UBR3: variants seen among roughly 807,000 people sequenced by gnomAD.
The protein encoded by UBR3 is ubiquitin protein ligase E3 component n-recognin 3, also known as E3 ubiquitin-protein ligase UBR3.
In UBR3, 85 loss-of-function variants were observed where a neutral mutation model predicts 243.2. The observed-to-expected ratio is 0.35, with a 90% CI of 0.29 to 0.42. UBR3 has a LOEUF of 0.42. Among genes scored for constraint, UBR3 ranks in the 10% least tolerant of loss-of-function variants. The probability of loss-of-function intolerance (pLI) is 1.00; values close to 1 mark genes in which losing one functional copy is unlikely to be tolerated. For missense variants in UBR3, 1,686 were observed against 2,300.8 expected (o/e 0.73, Z 5.47); for synonymous variants, 748 against 799.8 (o/e 0.94, Z 1.09).
At chr2:169,837,767 T>C (rs1229840357) in intron 1 of UBR3, among the ~76,000 whole-genome samples, 1 of 152,168 alleles carries the variant, frequency 6.6e-6, no homozygotes, top group African/African-American at 2.4e-5. Context: ...GTGTGGGGAT[T>C]ATGGGGATTA....
intron 1 of UBR3, 34 bp downstream of exon 1, chr2:169,828,086 C>T: frequency 7.4e-7 from 1 of 1,350,780 alleles, no homozygotes; most frequent in Middle Eastern, 2.0e-4. Context: ...CGAGGCGACC[C>T]TGGGCCGGGG....
At chr2:169,938,211 CCT>C (rs1353046760) in intron 19 of UBR3, among the ~76,000 whole-genome samples, 2 of 151,732 alleles carry the variant, frequency 1.3e-5, no homozygotes, top group African/African-American at 4.8e-5. Flanking sequence ...AGTTTTAAGA[CCT>C]CTTCATATAT....
At chr2:169,858,007 T>C (rs982338115) in intron 1 of UBR3, among the ~76,000 whole-genome samples, 6 of 152,226 alleles carry the variant, frequency 3.9e-5, no homozygotes, top group African/African-American at 1.4e-4. Flanking sequence ...CTCTAGTTGG[T>C]TGATAGTGTT....
intron 32 of UBR3, among the ~76,000 whole-genome samples, chr2:170,052,461 T>C (rs570438147): frequency 6.6e-6 from 1 of 152,294 alleles, no homozygotes; most frequent in East Asian, 1.9e-4. Context: ...TAAGTGTCTG[T>C]CAATGGATGA....
At chr2:169,949,298 A>G (rs1236695902) in intron 22 of UBR3, among the ~76,000 whole-genome samples, 2 of 152,066 alleles carry the variant, frequency 1.3e-5, no homozygotes, top group Non-Finnish European at 2.9e-5. Flanking sequence ...TAAAGTAATG[A>G]ATAATTTAGT....
At chr2:169,845,533 C>CTTCTTCTTCTTCT (rs2082446745) in intron 1 of UBR3, among the ~76,000 whole-genome samples, 5 of 125,002 alleles carry the variant, frequency 4.0e-5, no homozygotes, top group Non-Finnish European at 6.7e-5. Context: ...TCGTCGTCGT[C>CTTCTTCTTCTTCT]TTCTTCTTCT....
rs747405374 is a variant in UBR3, at chr2:169,912,378, C to T, written c.1780-1682C>T. 3.9e-5 allele frequency among the ~76,000 whole-genome samples: 6 copies of T among 152,190 alleles called. 1 individual carries two copies. The highest frequency in any genetic ancestry group is 3.9e-4 in the Admixed American group (6 of 15,282). ...ATACCTCCCAATTCCAACCTCCCCT[C>T]ATCTCTTGGAAACCACTAATCTTCT... On this transcript the variant is annotated intron_variant, in intron 10 of 38. Coordinates refer to ENST00000272793, the MANE Select transcript of UBR3 (RefSeq NM_172070.4).
chr2:169,895,064 G>A (rs1574144292), intron 6 of UBR3, 117 bp from the exon 7 acceptor site: 3 of 979,770 alleles, frequency 3.1e-6, no homozygotes, highest in South Asian at 4.7e-5. Flanking sequence ...TTGCATTATT[G>A]TAAGGATATT....
chr2:169,874,468 C>T (rs1304841345), intron 2 of UBR3, among the ~76,000 whole-genome samples: 1 of 151,870 alleles, frequency 6.6e-6, no homozygotes, highest in East Asian at 1.9e-4. Flanking sequence ...TGTGCCCAGC[C>T]AAAATTCTGC....
chr2:169,974,878 A>T (rs2088351899), intron 24 of UBR3, among the ~76,000 whole-genome samples: 2 of 152,232 alleles, frequency 1.3e-5, no homozygotes, highest in Non-Finnish European at 2.9e-5. Context: ...TGTTTCAAGA[A>T]ACTTTTAAAT....
chr2:169,989,554 A>G (rs2089182744), intron 25 of UBR3, among the ~76,000 whole-genome samples: 1 of 152,180 alleles, frequency 6.6e-6, no homozygotes, highest in Non-Finnish European at 1.5e-5. Flanking sequence ...AGAGATTACA[A>G]ATCTCTTTCA....
At chr2:169,867,590 C>T (rs1243938452) in intron 1 of UBR3, among the ~76,000 whole-genome samples, 1 of 152,144 alleles carries the variant, frequency 6.6e-6, no homozygotes, top group Non-Finnish European at 1.5e-5. Context: ...TAGATATGGT[C>T]AAGTGCCACC....
At chr2:169,917,769 C>T (rs2105341322) in intron 11 of UBR3, among the ~76,000 whole-genome samples, 2 of 152,222 alleles carry the variant, frequency 1.3e-5, no homozygotes, top group South Asian at 4.1e-4. Flanking sequence ...ATGACACAAT[C>T]TTGGCTCACT....
chr2:170,029,561 T>C, intron 31 of UBR3, 113 bp downstream of exon 31: 1 of 780,626 alleles, frequency 1.3e-6, no homozygotes, highest in Non-Finnish European at 1.9e-6. Flanking sequence ...ATTTTCTTTA[T>C]GAAGCACAGA....
At chr2:170,037,821 G>C (rs1453673902) in intron 31 of UBR3, among the ~76,000 whole-genome samples, 1 of 152,008 alleles carries the variant, frequency 6.6e-6, no homozygotes, top group East Asian at 1.9e-4. Context: ...TTATTCTGTT[G>C]TATGCATATT....
intron 13 of UBR3, among the ~76,000 whole-genome samples, chr2:169,924,499 A>G (rs1271794624): frequency 6.6e-6 from 1 of 152,186 alleles, no homozygotes; most frequent in East Asian, 1.9e-4. Flanking sequence ...CGCAAGGTTT[A>G]AGGTAATTCA....
chr2:169,971,101 T>C (rs988124842), intron 24 of UBR3, among the ~76,000 whole-genome samples: 8 of 152,084 alleles, frequency 5.3e-5, no homozygotes, highest in African/African-American at 1.7e-4. Flanking sequence ...TTTCATGTGT[T>C]TTTTGGCTGC....
chr2:170,060,345 G>A (rs2091432767), intron 33 of UBR3, among the ~76,000 whole-genome samples: 1 of 152,040 alleles, frequency 6.6e-6, no homozygotes, highest in Non-Finnish European at 1.5e-5. Flanking sequence ...AAAAATGGAA[G>A]TAGGACACTA....
At chr2:169,855,065 T>G (rs1380039840) in intron 1 of UBR3, among the ~76,000 whole-genome samples, 3 of 152,188 alleles carry the variant, frequency 2.0e-5, no homozygotes, top group Non-Finnish European at 4.4e-5. Flanking sequence ...AGAATTTTTG[T>G]TATTTTGGCT....
Sources: allele counts gnomAD v4.1 joint callset (sites outside exome capture counted in the v4.1 genomes callset), GRCh38; gene constraint gnomAD v4.1.1; transcripts MANE v1.5; gene names NCBI Gene and HGNC (gene_info 2026-07-23, HGNC 2026-07-21).